KCND2: variants seen among roughly 807,000 people sequenced by gnomAD.
KCND2 encodes the protein A-type voltage-gated potassium channel KCND2.
In KCND2, 16 loss-of-function variants were observed where a neutral mutation model predicts 54.4. The ratio of observed to expected loss-of-function variants is 0.29; its 90% CI spans 0.20 to 0.45. The LOEUF is 0.45. Among genes scored for constraint, KCND2 ranks in the 20% least tolerant of loss-of-function variants. The pLI is 1.00. For missense variants in KCND2, 486 were observed against 824.2 expected (o/e 0.59, Z 5.02); for synonymous variants, 317 against 310.7 (o/e 1.02, Z -0.21).
At chr7:120,445,485 G>A (rs1047566170) in intron 1 of KCND2, among the ~76,000 whole-genome samples, 5 of 152,106 alleles carry the variant, frequency 3.3e-5, no homozygotes, top group African/African-American at 1.2e-4. Context: ...TCTTAAGCGA[G>A]TTACATCATG....
rs79881272 is a variant in KCND2 at position 120,533,764 on chromosome 7, G to T, written c.1116-199139G>T. Among the ~76,000 whole-genome samples, 260 of 152,016 alleles carry T rather than the reference G, an allele frequency of 1.7e-3. 1 individual carries two copies. The highest frequency in any genetic ancestry group is 3.1e-3 in the Non-Finnish European group (214 of 67,974). Reference sequence around the variant, plus strand: ...AATGATTCCACAGTTTTTTCCTTGTGGTCTTTCAGCCATAATAATGGAAGC... The same window carrying T: ...AATGATTCCACAGTTTTTTCCTTGTTGTCTTTCAGCCATAATAATGGAAGC... On this transcript the variant is annotated intron_variant, in intron 1 of 5. Transcript: ENST00000331113.
chr7:120,284,142 G>A (rs1799304483), intron 1 of KCND2, among the ~76,000 whole-genome samples: 1 of 152,114 alleles, frequency 6.6e-6, no homozygotes, highest in Non-Finnish European at 1.5e-5. Context: ...TGAATCTAGA[G>A]GAATTCAGTG....
chr7:120,522,986 A>G (rs965960155), intron 1 of KCND2, among the ~76,000 whole-genome samples: 4 of 152,182 alleles, frequency 2.6e-5, no homozygotes, highest in African/African-American at 9.6e-5. Context: ...TTTTTACTAG[A>G]CTGGGCAATT....
chr7:120,745,730 T>C, intron 4 of KCND2, 50 bp from the exon 5 acceptor site: 1 of 1,608,932 alleles, frequency 6.2e-7, no homozygotes. Context: ...GTATTTCGTT[T>C]TTAAAAATGT....
intron 1 of KCND2, among the ~76,000 whole-genome samples, chr7:120,317,133 C>T (rs375357323): frequency 2.0e-5 from 3 of 152,132 alleles, no homozygotes; most frequent in East Asian, 3.9e-4. Context: ...CCACGCCGGG[C>T]CCTAATTGCA....
intron 1 of KCND2, among the ~76,000 whole-genome samples, chr7:120,653,354 C>T (rs1482040139): frequency 6.6e-6 from 1 of 151,930 alleles, no homozygotes; most frequent in Non-Finnish European, 1.5e-5. Context: ...CCCCTCTTTA[C>T]AATTCTGCCT....
chr7:120,374,763 T>C (rs1019354402), intron 1 of KCND2, among the ~76,000 whole-genome samples: 1 of 151,886 alleles, frequency 6.6e-6, no homozygotes, highest in African/African-American at 2.4e-5. Flanking sequence ...CAAACACACT[T>C]TGTCCTTTGA....
At chr7:120,287,754 G>A (rs975030052) in intron 1 of KCND2, among the ~76,000 whole-genome samples, 1 of 152,096 alleles carries the variant, frequency 6.6e-6, no homozygotes, top group Non-Finnish European at 1.5e-5. Context: ...TGAAGTAGGA[G>A]AATCACTTGA....
intron 1 of KCND2, among the ~76,000 whole-genome samples, chr7:120,677,556 G>GATATAGATATAGATATAGATATAGAT (rs1562906460): frequency 5.3e-4 from 57 of 107,524 alleles, no homozygotes; most frequent in African/African-American, 2.4e-3. Flanking sequence ...TAGATATATA[G>GATATAGATATAGATATAGATATAGAT]ATATATAGAT....
At chr7:120,444,935 T>C (rs1196253506) in intron 1 of KCND2, among the ~76,000 whole-genome samples, 1 of 152,116 alleles carries the variant, frequency 6.6e-6, no homozygotes, top group Non-Finnish European at 1.5e-5. Context: ...TCATTGGGCA[T>C]GTTACTTTTC....
At chr7:120,628,070 A>G (rs917385017) in intron 1 of KCND2, among the ~76,000 whole-genome samples, 6 of 152,218 alleles carry the variant, frequency 3.9e-5, no homozygotes, top group Non-Finnish European at 8.8e-5. Flanking sequence ...GGTTCCAAGA[A>G]TCTTCAGCTC....
intron 1 of KCND2, among the ~76,000 whole-genome samples, chr7:120,525,015 A>C (rs1445444362): frequency 1.3e-5 from 2 of 152,120 alleles, no homozygotes; most frequent in Admixed American, 6.6e-5. Flanking sequence ...ATCTTTAGTC[A>C]TTCTGAATTA....
chr7:120,721,440 T>G lies in KCND2; in HGVS notation c.1116-11463T>G, dbSNP rs555661803. 2.0e-5 allele frequency among the ~76,000 whole-genome samples: 3 copies of G among 152,332 alleles called. No individual in the cohort carries two copies. In the South Asian group the frequency reaches 6.2e-4, roughly 32 times the overall value. On this transcript the variant is annotated intron_variant, in intron 1 of 5. Transcript: ENST00000331113. ...CTCATTTAATTTTAGGAGATAACTT[T>G]GTCTCACTTTGATTGGAATAGAATC...
intron 1 of KCND2, among the ~76,000 whole-genome samples, chr7:120,511,003 ATCTCTC>A (rs562798465): frequency 7.8e-6 from 1 of 127,468 alleles, no homozygotes; most frequent in African/African-American, 2.8e-5. Context: ...ACCTTTCCCC[ATCTCTC>A]TCTCTCTCTC....
At chr7:120,308,505 CAG>C (rs1466061872) in intron 1 of KCND2, among the ~76,000 whole-genome samples, 2 of 152,128 alleles carry the variant, frequency 1.3e-5, no homozygotes, top group African/African-American at 4.8e-5. Context: ...GATAAAATCA[CAG>C]AGTTAAGGTT....
rs115814016 is a variant in KCND2, at chr7:120,281,225, A to G, written c.1115+5478A>G. 8.4e-3 allele frequency among the ~76,000 whole-genome samples: 1,282 copies of G among 152,140 alleles called. 14 individuals are homozygous for G. The highest frequency in any genetic ancestry group is 0.029 in the African/African-American group (1,199 of 41,526). On this transcript the variant is annotated intron_variant, in intron 1 of 5. Coordinates refer to ENST00000331113, the MANE Select transcript of KCND2 (RefSeq NM_012281.3). ...TAAACATTCACTGAAAAGGAAGTATATTTTTTCCTTTAAAGTTGTGATAAT... is the reference window on the plus strand; with the variant it reads ...TAAACATTCACTGAAAAGGAAGTATGTTTTTTCCTTTAAAGTTGTGATAAT...
At chr7:120,426,764 C>T (rs560630254) in intron 1 of KCND2, among the ~76,000 whole-genome samples, 49 of 151,720 alleles carry the variant, frequency 3.2e-4, no homozygotes, top group East Asian at 3.1e-3. Context: ...TGGGACTACA[C>T]GCGCCTGCCA....
intron 1 of KCND2, among the ~76,000 whole-genome samples, chr7:120,638,322 C>G (rs1316932449): frequency 6.6e-6 from 1 of 152,122 alleles, no homozygotes; most frequent in Non-Finnish European, 1.5e-5. Context: ...ATCTGTAAGG[C>G]ACACTGAACC....
chr7:120,623,191 C>T (rs1793123175), intron 1 of KCND2, among the ~76,000 whole-genome samples: 1 of 151,988 alleles, frequency 6.6e-6, no homozygotes, highest in Non-Finnish European at 1.5e-5. Flanking sequence ...TGGTCACTGC[C>T]AAGATTGGAA....
Sources: gnomAD v4.1 joint callset for allele counts (sites outside exome capture counted in the v4.1 genomes callset) on GRCh38, gnomAD v4.1.1 for gene constraint, MANE v1.5 for transcripts, NCBI Gene and HGNC (gene_info 2026-07-23, HGNC 2026-07-21) for gene names.